Variants in LMX1B observed in about 807,000 individuals in gnomAD.
LMX1B encodes LIM homeobox transcription factor 1 beta.
Under a neutral mutation model 51.4 loss-of-function variants are expected in LMX1B, and 12 were observed. That is an observed-to-expected ratio of 0.23 (90% CI 0.15 to 0.38). The LOEUF is 0.38. Ranked by LOEUF, LMX1B falls within the 10% of genes least tolerant of loss-of-function variation. The probability of loss-of-function intolerance (pLI) is 1.00; values close to 1 mark genes in which losing one functional copy is unlikely to be tolerated. For missense variants in LMX1B, 445 were observed against 571.1 expected (o/e 0.78, Z 2.25); for synonymous variants, 237 against 235.4 (o/e 1.01, Z -0.06).
At chr9:126,628,569 C>A (rs898466597) in intron 2 of LMX1B, among the ~76,000 whole-genome samples, 13 of 152,130 alleles carry the variant, frequency 8.5e-5, no homozygotes, top group Admixed American at 2.0e-4. Flanking sequence ...CTCTACGCTG[C>A]GAAACAACAC....
At position 126,614,563 on chromosome 9, in the gene LMX1B, G is replaced by T; in HGVS notation, c.114G>T (p.Gly38=). The change falls in exon 1 of 8, where the codon GGG becomes GGT. Residue 38 remains glycine, a synonymous_variant. Coordinates refer to ENST00000373474, the MANE Select transcript of LMX1B (RefSeq NM_001174147.2). ...IKMEEHALRP[G]PATLGVLLGS... ...TGGAGGAGCACGCCCTGCGCCCCGG[G>T]CCCGCCACTCTGGGGGTGCTGCTGG... is the stretch of plus-strand genomic sequence containing the variant. 1 of 1,559,256 alleles carries T rather than the reference G, an allele frequency of 6.4e-7. No individual in the cohort carries two copies. The highest frequency in any genetic ancestry group is 1.9e-4 in the Middle Eastern group (1 of 5,390).
chr9:126,696,147 G>A, intron 7 of LMX1B, 144 bp downstream of exon 7: 1 of 1,157,340 alleles, frequency 8.6e-7, no homozygotes, highest in Non-Finnish European at 1.3e-6. Context: ...CTGCTGACAG[G>A]AAGGGCCCCA....
At chr9:126,663,614 T>C (rs1836286983) in intron 2 of LMX1B, among the ~76,000 whole-genome samples, 1 of 152,178 alleles carries the variant, frequency 6.6e-6, no homozygotes, top group Non-Finnish European at 1.5e-5. Flanking sequence ...ACATACGATG[T>C]TTGGAGTAGT....
intron 2 of LMX1B, among the ~76,000 whole-genome samples, chr9:126,678,222 A>G (rs1439126523): frequency 6.6e-6 from 1 of 151,638 alleles, no homozygotes; most frequent in Non-Finnish European, 1.5e-5. Flanking sequence ...AGACAGGAGA[A>G]TCGCTTGAAT....
At chr9:126,692,995 A>G (rs1475802678) in intron 3 of LMX1B, 147 bp from the exon 4 acceptor site, 4 of 798,894 alleles carry the variant, frequency 5.0e-6, no homozygotes. Flanking sequence ...GGAGGGAAGG[A>G]GATCTTATCC....
At chr9:126,682,369 C>T (rs1315465757) in intron 2 of LMX1B, among the ~76,000 whole-genome samples, 1 of 152,132 alleles carries the variant, frequency 6.6e-6, no homozygotes. Flanking sequence ...AGCCCCATCT[C>T]TCTTCCCTGT....
intron 2 of LMX1B, among the ~76,000 whole-genome samples, chr9:126,646,315 CCTATCCATCCATCT>C (rs1159004721): frequency 1.3e-5 from 2 of 151,942 alleles, no homozygotes; most frequent in African/African-American, 4.8e-5. Flanking sequence ...CAGCCACCTA[CCTATCCATCCATCT>C]ACCTACCCAT....
At chr9:126,670,354 T>G (rs1317003590) in intron 2 of LMX1B, among the ~76,000 whole-genome samples, 1 of 152,244 alleles carries the variant, frequency 6.6e-6, no homozygotes. Context: ...GTGAGCACAC[T>G]CAGAGAGCAG....
At chr9:126,656,716 G>A (rs1836123552) in intron 2 of LMX1B, among the ~76,000 whole-genome samples, 1 of 152,186 alleles carries the variant, frequency 6.6e-6, no homozygotes, top group African/African-American at 2.4e-5. Flanking sequence ...TTGACTGCAA[G>A]GTTTCTCAGG....
intron 2 of LMX1B, among the ~76,000 whole-genome samples, chr9:126,683,627 G>C (rs1425959702): frequency 6.6e-6 from 1 of 152,150 alleles, no homozygotes; most frequent in Admixed American, 6.5e-5. Context: ...CATAACCTCA[G>C]CCACCACACT....
rs1835290704 is a variant in LMX1B, at chr9:126,615,675, G to T, written c.326+106G>T. 10 of 1,043,164 alleles carry T rather than the reference G, an allele frequency of 9.6e-6. 1 individual carries two copies. In the Admixed American group the frequency reaches 2.9e-4, roughly 31 times the overall value. The allele number at this position is 1,043,164 out of a possible 1,614,324, so 64.6% of individuals were successfully genotyped here. ...CGCTCTGCCGCCGGCTCTGTGCGCG[G>T]CTGGGCCGGGCAGCTCCAAGGGTTC... is the stretch of plus-strand genomic sequence containing the variant. On this transcript the variant is annotated intron_variant, in intron 2 of 7. Coordinates refer to ENST00000373474, the MANE Select transcript of LMX1B (RefSeq NM_001174147.2). This position sits in a 1 kb window ranked among gnomAD's most constrained non-coding sequence, Gnocchi z 6.0.
intron 2 of LMX1B, among the ~76,000 whole-genome samples, chr9:126,675,777 C>T (rs897770647): frequency 1.4e-5 from 2 of 147,796 alleles, no homozygotes; most frequent in African/African-American, 5.0e-5. Context: ...AGGCCGGGCG[C>T]GGTGGCTCAC....
chr9:126,680,043 C>T (rs1156328288), intron 2 of LMX1B, among the ~76,000 whole-genome samples: 2 of 152,232 alleles, frequency 1.3e-5, no homozygotes, highest in African/African-American at 4.8e-5. Flanking sequence ...ATGCAGGGCC[C>T]CGGAGAGAAA....
intron 2 of LMX1B, among the ~76,000 whole-genome samples, chr9:126,667,608 A>T (rs920040738): frequency 5.3e-5 from 8 of 152,320 alleles, no homozygotes; most frequent in Non-Finnish European, 8.8e-5. Flanking sequence ...GGTGCTATAG[A>T]TCTGGAGGTG....
intron 2 of LMX1B, among the ~76,000 whole-genome samples, chr9:126,682,763 C>T (rs1032316053): frequency 2.6e-5 from 4 of 151,940 alleles, no homozygotes; most frequent in Non-Finnish European, 5.9e-5. Flanking sequence ...GGCGCGGTGG[C>T]GCCTGCCTGT....
At chr9:126,666,855 G>T (rs1325141403) in intron 2 of LMX1B, among the ~76,000 whole-genome samples, 2 of 152,166 alleles carry the variant, frequency 1.3e-5, no homozygotes, top group Non-Finnish European at 2.9e-5. Flanking sequence ...GGGAAGAATG[G>T]GAGAGGAAGA....
At chr9:126,624,019 A>C in intron 2 of LMX1B, among the ~76,000 whole-genome samples, 1 of 152,148 alleles carries the variant, frequency 6.6e-6, no homozygotes, top group East Asian at 1.9e-4. Context: ...GCGGTTGATG[A>C]ATTTCGGTGT....
chr9:126,677,624 C>T lies in LMX1B; in HGVS notation c.327-13212C>T, dbSNP rs891665527. Among the ~76,000 whole-genome samples, 17 of 152,162 alleles carry T rather than the reference C, an allele frequency of 1.1e-4. No individual in the cohort carries two copies. Among genetic ancestry groups the T allele is most frequent in the African/African-American group, 3.9e-4 (16 of 41,426 alleles). ...GGTGACCTGTGTAAGGAAGAGACTCCTACCTCCGGTAGTGGTCATGAGGCA... is the reference window on the plus strand; with the variant it reads ...GGTGACCTGTGTAAGGAAGAGACTCTTACCTCCGGTAGTGGTCATGAGGCA... On this transcript the variant is annotated intron_variant, in intron 2 of 7. Transcript: ENST00000373474. This position sits in a 1 kb window ranked among gnomAD's most constrained non-coding sequence, Gnocchi z 5.0.
rs2118882166 is a variant in LMX1B at position 126,641,538 on chromosome 9, A to AGCTGG, written c.326+25981_326+25985dup. Among the ~76,000 whole-genome samples the AGCTGG allele has an allele frequency of 6.6e-6, 1 of 152,086 alleles. No individual in the cohort carries two copies. The highest frequency in any genetic ancestry group is 1.5e-5 in the Non-Finnish European group (1 of 67,970). ...TGATAGTATGGTCTTCTCGGGCCTG[A>AGCTGG]GCTGGGCTGGGCTGGGTTAGGCGAC... On this transcript the variant is annotated intron_variant, in intron 2 of 7. Transcript: ENST00000373474. This position sits in a 1 kb window ranked among gnomAD's most constrained non-coding sequence, Gnocchi z 4.1.
Sources: gnomAD v4.1 joint callset for allele counts (sites outside exome capture counted in the v4.1 genomes callset) on GRCh38, gnomAD v4.1.1 for gene constraint, Gnocchi (gnomAD v3.1) non-coding constraint, MANE v1.5 for transcripts, NCBI Gene and HGNC (gene_info 2026-07-23, HGNC 2026-07-21) for gene names.